Variants in RFX3 observed in about 807,000 individuals in gnomAD.
RFX3 encodes the protein regulatory factor X3.
RFX3 carries 14 observed loss-of-function variants against 98.6 expected under a neutral mutation model. The ratio of observed to expected loss-of-function variants is 0.14; its 90% CI spans 0.09 to 0.22. The LOEUF (loss-of-function observed/expected upper bound fraction) is 0.22, where lower values mean the gene tolerates loss of function less well. Ranked by LOEUF, RFX3 falls within the 10% of genes least tolerant of loss-of-function variation. The probability of loss-of-function intolerance (pLI) is 1.00; values close to 1 mark genes in which losing one functional copy is unlikely to be tolerated. For synonymous variants in RFX3, 383 were observed against 328.4 expected (o/e 1.17, Z -1.80); for missense variants, 639 against 926.9 (o/e 0.69, Z 4.03).
intron 3 of RFX3, among the ~76,000 whole-genome samples, chr9:3,341,929 T>G (rs1361039302): frequency 3.3e-5 from 5 of 152,158 alleles, no homozygotes; most frequent in African/African-American, 4.8e-5. Flanking sequence ...ATTTGAATAA[T>G]AAGAAGAAAG....
intron 2 of RFX3, among the ~76,000 whole-genome samples, chr9:3,383,421 G>C (rs543510757): frequency 2.6e-5 from 4 of 152,122 alleles, no homozygotes; most frequent in African/African-American, 9.6e-5. Flanking sequence ...GCCATGTTTA[G>C]TACAGCTGTC....
At chr9:3,406,058 G>A (rs1189637124) in intron 1 of RFX3, among the ~76,000 whole-genome samples, 1 of 152,064 alleles carries the variant, frequency 6.6e-6, no homozygotes, top group Non-Finnish European at 1.5e-5. Flanking sequence ...CCAGTCCCTG[G>A]TGATCCTCCC....
Position 3,222,879 on chromosome 9 carries a change from A to G in RFX3, c.*2163T>C, listed in dbSNP as rs1250506310. ...TTCAAATATATGAGTGAGTTGTATAATAAAAAATTTGGATCAGTTTTTAAA... is the reference window on the plus strand; with the variant it reads ...TTCAAATATATGAGTGAGTTGTATAGTAAAAAATTTGGATCAGTTTTTAAA... On this transcript the variant is annotated 3_prime_UTR_variant, in exon 17 of 17. Coordinates refer to ENST00000617270, the MANE Select transcript of RFX3 (RefSeq NM_001282116.2). 1.3e-5 allele frequency: 2 copies of G among 152,216 alleles called. No individual in the cohort carries two copies. The highest frequency in any genetic ancestry group is 4.8e-5 in the African/African-American group (2 of 41,464). The allele number at this position is 152,216 out of a possible 1,614,324, so 9.4% of individuals were successfully genotyped here. A position where few individuals can be genotyped will look rare whatever the true frequency, so the allele number is the denominator to read the frequency against.
intron 2 of RFX3, among the ~76,000 whole-genome samples, chr9:3,391,260 A>T (rs1178280551): frequency 6.6e-6 from 1 of 152,146 alleles, no homozygotes; most frequent in African/African-American, 2.4e-5. Context: ...GTTATAGACA[A>T]TTTATATCCA....
chr9:3,498,266 T>C (rs1851251877), intron 1 of RFX3, among the ~76,000 whole-genome samples: 2 of 152,046 alleles, frequency 1.3e-5, no homozygotes, highest in Admixed American at 1.3e-4. Flanking sequence ...TTTAACACTT[T>C]ACTCTTCTTT....
intron 2 of RFX3, among the ~76,000 whole-genome samples, chr9:3,350,299 G>A (rs1417846220): frequency 6.6e-6 from 1 of 151,934 alleles, no homozygotes; most frequent in East Asian, 1.9e-4. Flanking sequence ...ATTTTAAAAG[G>A]GCCAAAGACC....
chr9:3,225,141 T>C lies in RFX3; in HGVS notation c.2151A>G (p.Gln717=), dbSNP rs1817618506. ...CMQPVLETGV[Q]PSLLNPIHSE... ...TGTGAATTGGATTCAGGAGGCTTGG[T>C]TGCACGCCAGTCTCGAGAACAGGCT... Residue 717 remains glutamine, a synonymous_variant, in exon 17 of 17, where the codon CAA becomes CAG. Coordinates refer to ENST00000617270, the MANE Select transcript of RFX3 (RefSeq NM_001282116.2). The C allele has an allele frequency of 6.2e-7, 1 of 1,613,878 alleles. No homozygotes were observed. Among genetic ancestry groups the C allele is most frequent in the Admixed American group, 1.7e-5 (1 of 59,940 alleles).
At chr9:3,389,989 C>CA (rs1375947253) in intron 2 of RFX3, among the ~76,000 whole-genome samples, 2 of 152,010 alleles carry the variant, frequency 1.3e-5, no homozygotes, top group Non-Finnish European at 2.9e-5. Context: ...ATAAAATAAA[C>CA]AAAAAATCAT....
At chr9:3,414,140 A>T (rs946829268) in intron 1 of RFX3, among the ~76,000 whole-genome samples, 3 of 152,140 alleles carry the variant, frequency 2.0e-5, no homozygotes, top group African/African-American at 7.2e-5. Context: ...AGAAAGATCA[A>T]ATACTTTTCC....
At chr9:3,468,828 A>G (rs538932980) in intron 1 of RFX3, among the ~76,000 whole-genome samples, 9 of 151,178 alleles carry the variant, frequency 6.0e-5, no homozygotes, top group South Asian at 4.1e-4. Context: ...AAAAAAAAAA[A>G]AAAGAAAAAA....
intron 2 of RFX3, among the ~76,000 whole-genome samples, chr9:3,391,832 A>C (rs1429526507): frequency 6.6e-6 from 1 of 152,224 alleles, no homozygotes; most frequent in African/African-American, 2.4e-5. Flanking sequence ...CTACGCAGTA[A>C]GGTAACTGGC....
At chr9:3,404,702 TATA>T (rs1841803345) in intron 1 of RFX3, among the ~76,000 whole-genome samples, 3 of 152,182 alleles carry the variant, frequency 2.0e-5, no homozygotes, top group Admixed American at 2.0e-4. Context: ...GTTGTCATTA[TATA>T]ATATTTTAGA....
intron 1 of RFX3, among the ~76,000 whole-genome samples, chr9:3,481,486 T>A (rs2050955): frequency 0.034 from 5,083 of 149,086 alleles, 100 homozygotes; most frequent in Non-Finnish European, 0.045. Context: ...GTACATTTTT[T>A]AAAAAAAAAA....
intron 1 of RFX3, among the ~76,000 whole-genome samples, chr9:3,499,512 A>G (rs1036010103): frequency 2.0e-5 from 3 of 152,090 alleles, no homozygotes; most frequent in African/African-American, 7.2e-5. Flanking sequence ...TTATTCACAT[A>G]AATTTACTAA....
chr9:3,236,953 C>T (rs537898233), intron 15 of RFX3, among the ~76,000 whole-genome samples: 4 of 152,194 alleles, frequency 2.6e-5, no homozygotes, highest in African/African-American at 9.6e-5. Flanking sequence ...TGTCACAGGC[C>T]CAAAGAACAA....
intron 1 of RFX3, among the ~76,000 whole-genome samples, chr9:3,519,825 T>C (rs756964092): frequency 2.0e-5 from 3 of 152,174 alleles, no homozygotes; most frequent in South Asian, 4.1e-4. Context: ...CACTCTGCAT[T>C]TGATACGAAA....
chr9:3,342,035 T>C (rs1176679454), intron 3 of RFX3, among the ~76,000 whole-genome samples: 1 of 152,226 alleles, frequency 6.6e-6, no homozygotes, highest in East Asian at 1.9e-4. Flanking sequence ...TAAGGTTCCT[T>C]ATTAATCTTT....
chr9:3,493,544 C>T (rs992609354), intron 1 of RFX3, among the ~76,000 whole-genome samples: 7 of 151,302 alleles, frequency 4.6e-5, no homozygotes, highest in East Asian at 1.9e-4. Flanking sequence ...ATTTTCCGGG[C>T]GTGGTGGCAC....
At chr9:3,317,913 C>T (rs995192876) in intron 4 of RFX3, among the ~76,000 whole-genome samples, 12 of 152,198 alleles carry the variant, frequency 7.9e-5, no homozygotes, top group African/African-American at 2.7e-4. Context: ...AACACTTTTA[C>T]ACTGTTGGTG....
Sources: gnomAD v4.1 joint callset for allele counts (sites outside exome capture counted in the v4.1 genomes callset) on GRCh38, gnomAD v4.1.1 for gene constraint, MANE v1.5 for transcripts, NCBI Gene and HGNC (gene_info 2026-07-23, HGNC 2026-07-21) for gene names.